Variants in BANK1 observed in about 807,000 individuals in gnomAD.
BANK1 encodes B-cell scaffold protein with ankyrin repeats.
Under a neutral mutation model 94.5 loss-of-function variants are expected in BANK1, and 95 were observed. The ratio of observed to expected loss-of-function variants is 1.00; its 90% CI spans 0.85 to 1.19. The LOEUF (loss-of-function observed/expected upper bound fraction) is 1.19, where lower values mean the gene tolerates loss of function less well. Ranked by LOEUF, BANK1 falls within the 50% of genes most tolerant of loss-of-function variation. BANK1 has a pLI of 0.00. For synonymous variants in BANK1, 334 were observed against 308.4 expected (o/e 1.08, Z -0.87); for missense variants, 987 against 932.2 (o/e 1.06, Z -0.77).
chr4:101,993,585 G>A (rs1329554993), intron 7 of BANK1, among the ~76,000 whole-genome samples: 1 of 152,120 alleles, frequency 6.6e-6, no homozygotes, highest in Non-Finnish European at 1.5e-5. Flanking sequence ...TGGCACTGAA[G>A]AAATGCATGC....
chr4:102,020,286 T>G (rs1444974254), intron 7 of BANK1, among the ~76,000 whole-genome samples: 1 of 152,116 alleles, frequency 6.6e-6, no homozygotes, highest in Non-Finnish European at 1.5e-5. Context: ...AAAGATTAGC[T>G]ATATTAAACA....
At chr4:101,850,319 T>A (rs1277867015) in intron 2 of BANK1, among the ~76,000 whole-genome samples, 1 of 152,182 alleles carries the variant, frequency 6.6e-6, no homozygotes, top group Non-Finnish European at 1.5e-5. Flanking sequence ...TCACCCAGGC[T>A]GGAGTACAGT....
chr4:102,002,015 T>C (rs1439131793), intron 7 of BANK1, among the ~76,000 whole-genome samples: 1 of 152,242 alleles, frequency 6.6e-6, no homozygotes, highest in Non-Finnish European at 1.5e-5. Flanking sequence ...GCAAGAAGAC[T>C]GCATTGCGGC....
rs1728362826 is a variant in BANK1 at position 102,060,119 on chromosome 4, A to C, written c.1970-92A>C. 2.1e-5 allele frequency: 24 copies of C among 1,147,790 alleles called. No individual in the cohort carries two copies. The South Asian group carries it at 4.4e-4, about 21-fold the overall frequency. 71.1% of individuals were successfully genotyped at this position (1,147,790 alleles called of 1,614,324 possible). ...TAACTGCTCATAGAGAGTTAAGAAG[A>C]AGCTACTCCAATGGCTTATTTGTAG... On this transcript the variant is annotated intron_variant, in intron 11 of 16. Coordinates refer to ENST00000322953, the MANE Select transcript of BANK1 (RefSeq NM_017935.5).
intron 8 of BANK1, among the ~76,000 whole-genome samples, chr4:102,022,101 T>C (rs1310452490): frequency 6.6e-6 from 1 of 152,072 alleles, no homozygotes; most frequent in Non-Finnish European, 1.5e-5. Context: ...TATACATGTA[T>C]ATATAAACGT....
At chr4:102,047,197 C>A (rs554156219) in intron 11 of BANK1, among the ~76,000 whole-genome samples, 10 of 152,210 alleles carry the variant, frequency 6.6e-5, no homozygotes, top group Admixed American at 4.6e-4. Context: ...AGGGTGCATT[C>A]TTAAATGAGT....
intron 4 of BANK1, among the ~76,000 whole-genome samples, chr4:101,866,880 T>C (rs374873613): frequency 2.7e-5 from 2 of 74,774 alleles, no homozygotes; most frequent in African/African-American, 7.9e-5. Flanking sequence ...ATGGATGAAA[T>C]TGGAAACCAT....
chr4:102,037,724 GT>G (rs1238157209), intron 10 of BANK1, among the ~76,000 whole-genome samples: 1 of 152,118 alleles, frequency 6.6e-6, no homozygotes, highest in East Asian at 1.9e-4. Context: ...TTTGGTTTTG[GT>G]TTTGGTTTTA....
intron 7 of BANK1, among the ~76,000 whole-genome samples, chr4:101,981,532 T>C (rs538810888): frequency 6.6e-6 from 1 of 152,134 alleles, no homozygotes; most frequent in African/African-American, 2.4e-5. Context: ...AGCATATGTT[T>C]TTCTGAAATC....
chr4:101,923,916 T>C (rs1378305251), intron 7 of BANK1, among the ~76,000 whole-genome samples: 1 of 151,754 alleles, frequency 6.6e-6, no homozygotes, highest in Non-Finnish European at 1.5e-5. Context: ...GTAAAATATA[T>C]ACTAAGAAAT....
At chr4:101,889,096 A>G (rs1721742586) in intron 5 of BANK1, among the ~76,000 whole-genome samples, 1 of 152,130 alleles carries the variant, frequency 6.6e-6, no homozygotes, top group Non-Finnish European at 1.5e-5. Flanking sequence ...TTGTACATTC[A>G]TATATAGTTG....
At chr4:101,838,397 T>A (rs1307133617) in intron 2 of BANK1, among the ~76,000 whole-genome samples, 1 of 152,196 alleles carries the variant, frequency 6.6e-6, no homozygotes, top group Non-Finnish European at 1.5e-5. Context: ...AACTTAGAAG[T>A]TAGCTTATAT....
In BANK1 at chr4:101,986,899, G is replaced by GTGTGTGTGTA. The variant is rs1343197093; in HGVS notation, c.1207-34614_1207-34613insGTGTGTGTAT. ...TGTGTGTGTGTGTGTGTGTGTGTGT[G>GTGTGTGTGTA]TATATATATATATATATATATATAT... On this transcript the variant is annotated intron_variant, in intron 7 of 16. Coordinates refer to ENST00000322953, the MANE Select transcript of BANK1 (RefSeq NM_017935.5). 9.2e-4 allele frequency among the ~76,000 whole-genome samples: 76 copies of GTGTGTGTGTA among 82,656 alleles called. 8 individuals are homozygous for GTGTGTGTGTA. Among genetic ancestry groups the GTGTGTGTGTA allele is most frequent in the African/African-American group, 4.2e-3 (65 of 15,546 alleles). The allele number at this position is 82,656 out of a possible 152,430, so 54.2% of individuals were successfully genotyped here.
intron 10 of BANK1, among the ~76,000 whole-genome samples, chr4:102,038,970 G>A (rs1727611964): frequency 6.6e-6 from 1 of 152,090 alleles, no homozygotes; most frequent in Non-Finnish European, 1.5e-5. Context: ...CACTGAATTA[G>A]AATTTTTACG....
intron 9 of BANK1, among the ~76,000 whole-genome samples, chr4:102,027,957 A>G (rs1028487178): frequency 1.3e-5 from 2 of 152,124 alleles, no homozygotes; most frequent in Non-Finnish European, 2.9e-5. Flanking sequence ...GTCTTGACCC[A>G]ATTACTTCAA....
intron 2 of BANK1, among the ~76,000 whole-genome samples, chr4:101,850,548 G>A (rs1727435199): frequency 6.6e-6 from 1 of 151,854 alleles, no homozygotes; most frequent in South Asian, 2.1e-4. Flanking sequence ...CTCCCAAAGT[G>A]CTGGTATTAC....
Position 102,074,292 on chromosome 4 carries a change from A to G in BANK1, c.*293A>G, listed in dbSNP as rs571147763. On this transcript the variant is annotated 3_prime_UTR_variant, in exon 17 of 17. Transcript: ENST00000322953. The stretch of plus-strand genomic sequence containing the variant: ...CAGCTAATTTCCATTTTGAAAATTA[A>G]AAGAAAACAGCACAGAGAAGTTAAA... 1.3e-5 allele frequency: 2 copies of G among 152,424 alleles called. No individual in the cohort carries two copies. Among genetic ancestry groups the G allele is most frequent in the South Asian group, 4.1e-4 (2 of 4,834 alleles). The allele number at this position is 152,424 out of a possible 1,614,324, so 9.4% of individuals were successfully genotyped here. A position where few individuals can be genotyped will look rare whatever the true frequency, so the allele number is the denominator to read the frequency against.
chr4:102,064,628 T>C (rs1728529565), intron 13 of BANK1, among the ~76,000 whole-genome samples: 2 of 152,232 alleles, frequency 1.3e-5, no homozygotes, highest in South Asian at 4.1e-4. Flanking sequence ...CAATTAGTTC[T>C]CCTTTCAGCC....
intron 2 of BANK1, among the ~76,000 whole-genome samples, chr4:101,830,925 T>C (rs1726591900): frequency 6.6e-6 from 1 of 152,174 alleles, no homozygotes; most frequent in Non-Finnish European, 1.5e-5. Flanking sequence ...GCTATTTTTT[T>C]TGGAGCAAAT....
Sources: allele counts gnomAD v4.1 joint callset (sites outside exome capture counted in the v4.1 genomes callset), GRCh38; gene constraint gnomAD v4.1.1; transcripts MANE v1.5; gene names NCBI Gene and HGNC (gene_info 2026-07-23, HGNC 2026-07-21).